CFAP47: variants seen among roughly 807,000 people sequenced by gnomAD.
The protein encoded by CFAP47 is cilia- and flagella-associated protein 47.
Under a neutral mutation model 148.1 loss-of-function variants are expected in CFAP47, and 29 were observed. The ratio of observed to expected loss-of-function variants is 0.20; its 90% CI spans 0.15 to 0.27. CFAP47 has a LOEUF of 0.27. Among genes scored for constraint, CFAP47 ranks in the 10% least tolerant of loss-of-function variants. The pLI is 1.00. For missense variants in CFAP47, 1,872 were observed against 1,697.5 expected, an observed-to-expected ratio of 1.10 and a Z score of -1.81; for synonymous variants, 664 against 577.3, an observed-to-expected ratio of 1.15 and a Z score of -2.15.
At chrX:36,267,989 C>A (rs1361242086) in intron 49 of CFAP47, among the ~76,000 whole-genome samples, 1 of 112,890 alleles carries the variant, frequency 8.9e-6, no homozygotes, top group East Asian at 2.8e-4. Flanking sequence ...TAGACTTTTT[C>A]TTTCTGACTC....
At chrX:36,231,216 T>C (rs782546952) in intron 46 of CFAP47, among the ~76,000 whole-genome samples, 106 of 111,123 alleles carry the variant, frequency 9.5e-4, no homozygotes, top group African/African-American at 3.2e-3. Flanking sequence ...ATGGCCATTT[T>C]CATGATATTG....
At chrX:36,218,789 T>C (rs1940184919) in intron 45 of CFAP47, among the ~76,000 whole-genome samples, 1 of 111,935 alleles carries the variant, frequency 8.9e-6, no homozygotes, top group Non-Finnish European at 1.9e-5. Flanking sequence ...ATACATGTAA[T>C]GTATACATTG....
At chrX:35,956,980 G>C (rs1416321687) in intron 8 of CFAP47, among the ~76,000 whole-genome samples, 1 of 110,918 alleles carries the variant, frequency 9.0e-6, no homozygotes, top group Non-Finnish European at 1.9e-5. Flanking sequence ...GGGAGGCCGA[G>C]GCAGGTGGAT....
intron 1 of CFAP47, among the ~76,000 whole-genome samples, chrX:35,924,271 G>T (rs190594396): frequency 2.0e-5 from 2 of 100,069 alleles, no homozygotes; most frequent in East Asian, 6.0e-4. Context: ...ATGTGTACAT[G>T]TATGTGTATA....
intron 62 of CFAP47, among the ~76,000 whole-genome samples, chrX:36,370,652 A>T (rs1438008406): frequency 9.0e-6 from 1 of 110,789 alleles, no homozygotes; most frequent in African/African-American, 3.3e-5. Flanking sequence ...CTTATTTACC[A>T]GCCCTTGGGA....
intron 21 of CFAP47, 142 bp from the exon 22 acceptor site, chrX:36,014,632 T>C: frequency 4.0e-6 from 1 of 247,222 alleles, no homozygotes; most frequent in Non-Finnish European, 7.2e-6. Context: ...AACCATCTTT[T>C]TTTTAAAAAT....
intron 35 of CFAP47, among the ~76,000 whole-genome samples, chrX:36,138,751 CA>C (rs965826071): frequency 9.0e-6 from 1 of 110,873 alleles, no homozygotes; most frequent in Non-Finnish European, 1.9e-5. Flanking sequence ...AATCATTACT[CA>C]AAATCTAAGA....
chrX:36,303,870 T>G lies in CFAP47; in HGVS notation c.7992T>G (p.Pro2664=), dbSNP rs1569313158. Residue 2664 remains proline, a synonymous_variant, in exon 54 of 64, where the codon CCT becomes CCG. Coordinates refer to ENST00000378653, the MANE Select transcript of CFAP47 (RefSeq NM_001304548.2). ...DLGKHVTQII[P]LVNCTHETLK... is the part of the protein sequence containing the mutation. ...CTAGGCATGTCACTCAGATCATTCC[T>G]TTAGTTAATTGTACGCATGAAACCT... The G allele has an allele frequency of 4.4e-6, 5 of 1,133,584 alleles. No homozygotes were observed. The highest frequency in any genetic ancestry group is 6.7e-5 in the East Asian group (2 of 29,784). The allele number at this position is 1,133,584 out of a possible 1,213,427, so 93.4% of individuals were successfully genotyped here.
At chrX:36,140,808 T>G (rs1939125187) in intron 35 of CFAP47, among the ~76,000 whole-genome samples, 1 of 111,849 alleles carries the variant, frequency 8.9e-6, no homozygotes, top group African/African-American at 3.2e-5. Context: ...TTATGTCTTT[T>G]TGGAGAATCC....
chrX:36,030,239 G>GA (rs772964844), intron 22 of CFAP47, among the ~76,000 whole-genome samples: 1 of 111,233 alleles, frequency 9.0e-6, no homozygotes, highest in South Asian at 3.7e-4. Flanking sequence ...GGTTTCTTCA[G>GA]AAAATGATTC....
intron 57 of CFAP47, among the ~76,000 whole-genome samples, chrX:36,322,918 TG>T (rs1941489823): frequency 9.0e-6 from 1 of 111,379 alleles, no homozygotes; most frequent in South Asian, 3.7e-4. Context: ...GGAGTTTTTC[TG>T]CTTATTTGAG....
intron 33 of CFAP47, among the ~76,000 whole-genome samples, chrX:36,108,152 C>T (rs1334302407): frequency 9.0e-6 from 1 of 111,535 alleles, no homozygotes; most frequent in Non-Finnish European, 1.9e-5. Context: ...TTTTGGCTTT[C>T]TTTGTGGCTC....
At chrX:36,016,154 A>G (rs754972453) in intron 22 of CFAP47, among the ~76,000 whole-genome samples, 73 of 110,905 alleles carry the variant, frequency 6.6e-4, no homozygotes, top group Non-Finnish European at 1.2e-3. Context: ...AAACAATTCA[A>G]TGATACTCTT....
At position 35,948,466 on chromosome X, in the gene CFAP47, G is replaced by T. The variant is rs1249218627; in HGVS notation, c.656+14G>T. ...TGAAGAGGCAATGTGAGTATATACT[G>T]TGGTTCTAAAAATTATAATACAGAT... On this transcript the variant is annotated intron_variant, in intron 4 of 63. Transcript: ENST00000378653. 8.6e-7 allele frequency: 1 copy of T among 1,168,202 alleles called. No homozygotes were observed.
intron 57 of CFAP47, among the ~76,000 whole-genome samples, chrX:36,329,441 A>C (rs1485621312): frequency 8.9e-6 from 1 of 112,079 alleles, no homozygotes; most frequent in Non-Finnish European, 1.9e-5. Context: ...AGAGTAAGAG[A>C]TAATGGCAGC....
chrX:36,337,856 CTTTTTTTTTTTT>C (rs1196038760), intron 57 of CFAP47, among the ~76,000 whole-genome samples: 13 of 58,312 alleles, frequency 2.2e-4, no homozygotes, highest in African/African-American at 8.8e-4. Context: ...TTCCATAATC[CTTTTTTTTTTTT>C]TTTTTTTTTT....
chrX:36,153,551 T>C (rs1939333633), intron 37 of CFAP47, among the ~76,000 whole-genome samples: 1 of 112,392 alleles, frequency 8.9e-6, no homozygotes, highest in Non-Finnish European at 1.9e-5. Flanking sequence ...CAGGGAGGCC[T>C]GCCTCCAGAG....
At chrX:36,230,980 T>C (rs1234126954) in intron 46 of CFAP47, among the ~76,000 whole-genome samples, 2 of 104,916 alleles carry the variant, frequency 1.9e-5, no homozygotes, top group Non-Finnish European at 3.8e-5. Context: ...ATCTCTGTTT[T>C]GGTACCAGTA....
chrX:36,302,172 T>C (rs1941304804), intron 53 of CFAP47, among the ~76,000 whole-genome samples: 1 of 110,669 alleles, frequency 9.0e-6, no homozygotes, highest in African/African-American at 3.3e-5. Flanking sequence ...TCATGATTTT[T>C]AGTGTATTTT....
Sources: gnomAD v4.1 joint callset for allele counts (sites outside exome capture counted in the v4.1 genomes callset) on GRCh38, gnomAD v4.1.1 for gene constraint, MANE v1.5 for transcripts, NCBI Gene and HGNC (gene_info 2026-07-23, HGNC 2026-07-21) for gene names.